Variants in ECHDC3 observed in about 807,000 individuals in gnomAD.
ECHDC3 encodes the protein enoyl-CoA hydratase domain containing 3.
A neutral mutation model predicts 17.9 loss-of-function variants in ECHDC3; 20 were observed. That is an observed-to-expected ratio of 1.12 (90% confidence interval 0.79 to 1.63). The LOEUF is 1.63. Ranked by LOEUF, ECHDC3 falls within the 40% of genes most tolerant of loss-of-function variation. ECHDC3 has a pLI of 0.00. For missense variants in ECHDC3, 407 were observed against 357.7 expected, an observed-to-expected ratio of 1.14 and a Z score of -1.11; for synonymous variants, 177 against 149.7, an observed-to-expected ratio of 1.18 and a Z score of -1.33.
intron 4 of ECHDC3, among the ~76,000 whole-genome samples, chr10:11,762,512 G>A (rs1297148233): frequency 1.3e-5 from 2 of 152,228 alleles, no homozygotes; most frequent in African/African-American, 4.8e-5. Flanking sequence ...CTTTAGAGGA[G>A]CCAGGCTTGG....
chr10:11,744,878 C>G lies in ECHDC3; in HGVS notation c.170+2132C>G, dbSNP rs575430686. ...GAAGGCCAGTAGACATCGGGATGAACGCGTGCACCTGGAGCTCAGCTCAGA... is the reference window on the plus strand; with the variant it reads ...GAAGGCCAGTAGACATCGGGATGAAGGCGTGCACCTGGAGCTCAGCTCAGA... On this transcript the variant is annotated intron_variant, in intron 1 of 4. Transcript: ENST00000379215. Among the ~76,000 whole-genome samples, 267 of 152,274 alleles carry G rather than the reference C, an allele frequency of 1.8e-3. 2 individuals carry two copies. Among genetic ancestry groups the G allele is most frequent in the African/African-American group, 6.4e-3 (265 of 41,540 alleles).
chr10:11,760,105 G>T (rs928118291), intron 4 of ECHDC3, among the ~76,000 whole-genome samples: 2 of 152,212 alleles, frequency 1.3e-5, no homozygotes, highest in African/African-American at 4.8e-5. Flanking sequence ...GGCTCAGATG[G>T]ACAATTTTTC....
intron 1 of ECHDC3, among the ~76,000 whole-genome samples, chr10:11,744,733 G>T (rs1832742394): frequency 6.6e-6 from 1 of 152,146 alleles, no homozygotes; most frequent in South Asian, 2.1e-4. Context: ...ATCAGGAAGG[G>T]ATAGAAAACT....
Position 11,742,719 on chromosome 10 carries a change from C to G in ECHDC3, c.143C>G (p.Thr48Ser), listed in dbSNP as rs1344173636. The change falls in exon 1 of 5, where the codon ACC becomes AGC. Residue 48 changes from threonine (T) to serine (S), a missense_variant. By Grantham distance (58) the Thr-to-Ser change is moderately conservative (BLOSUM62 1). Transcript: ENST00000379215. ...CGGCGGGAGTCGGAGCCGCGGCCCA[C>G]CAGCGCGCGGCAGCTGGACGGCATA... ...AGRRESEPRP[T>S]SARQLDGIRN... The G allele has an allele frequency of 1.6e-6, 2 of 1,235,238 alleles. No individual in the cohort carries two copies. Among genetic ancestry groups the G allele is most frequent in the African/African-American group, 1.6e-5 (1 of 63,968 alleles). 76.5% of individuals were successfully genotyped at this position (1,235,238 alleles called of 1,614,324 possible). A position where few individuals can be genotyped will look rare whatever the true frequency, so the allele number is the denominator to read the frequency against.
Position 11,763,150 on chromosome 10 carries a change from AGCCGAG to A in ECHDC3, c.592-71_592-66del. 1 of 655,258 alleles carries A rather than the reference AGCCGAG, an allele frequency of 1.5e-6. No individual in the cohort carries two copies. The highest frequency in any genetic ancestry group is 2.8e-6 in the Non-Finnish European group (1 of 358,176). The allele number at this position is 655,258 out of a possible 1,614,324, so 40.6% of individuals were successfully genotyped here. On this transcript the variant is annotated intron_variant, in intron 4 of 4. Coordinates refer to ENST00000379215, the MANE Select transcript of ECHDC3 (RefSeq NM_024693.5). The surrounding 1 kb of genome is among the most constrained non-coding windows in gnomAD (Gnocchi z 4.9). ...TGGTATTTGAGGAAGCAGGTCATTG[AGCCGAG>A]GCGGGACTCAGGTGGCGGGGGCGGG... is the stretch of plus-strand genomic sequence containing the variant.
At chr10:11,759,372 A>AC (rs1264062744) in intron 4 of ECHDC3, among the ~76,000 whole-genome samples, 4 of 48,118 alleles carry the variant, frequency 8.3e-5, no homozygotes, top group Admixed American at 2.0e-4. Flanking sequence ...AAAAAAAAAC[A>AC]AAAAAAAAAA....
rs1274203912 is a variant in ECHDC3 at position 11,763,868 on chromosome 10, G to GGCA, written c.*326_*328dup. 9.2e-7 allele frequency: 1 copy of GGCA among 1,082,018 alleles called. No homozygotes were observed. Among genetic ancestry groups the GGCA allele is most frequent in the Non-Finnish European group, 1.1e-6 (1 of 891,812 alleles). 67.0% of individuals were successfully genotyped at this position (1,082,018 alleles called of 1,614,324 possible). On this transcript the variant is annotated 3_prime_UTR_variant, in exon 5 of 5. Transcript: ENST00000379215. The surrounding 1 kb of genome is among the most constrained non-coding windows in gnomAD (Gnocchi z 4.9). ...ATAGCAAAAGGTGGCAACCCATGGA[G>GGCA]GCAGAAAGAAGGACGCCAGCCTGAC...
intron 2 of ECHDC3, 117 bp downstream of exon 2, chr10:11,747,587 A>G: frequency 7.8e-7 from 1 of 1,277,536 alleles, no homozygotes; most frequent in South Asian, 1.3e-5. Flanking sequence ...GCTCCTTTAC[A>G]AGAACATTAA....
rs576066391 is a variant in ECHDC3, at chr10:11,763,650, G to A, written c.*106G>A. 50 of 1,433,548 alleles carry A rather than the reference G, an allele frequency of 3.5e-5. No homozygotes were observed. Among genetic ancestry groups the A allele is most frequent in the Admixed American group, 8.6e-5 (3 of 34,860 alleles). 88.8% of individuals were successfully genotyped at this position (1,433,548 alleles called of 1,614,324 possible). A position where few individuals can be genotyped will look rare whatever the true frequency, so the allele number is the denominator to read the frequency against. ...CTTCAACAGGTGACAGGCTGCTTTC[G>A]TGACTTGATATTGGTGTCATAGCAT... On this transcript the variant is annotated 3_prime_UTR_variant, in exon 5 of 5. Coordinates refer to ENST00000379215, the MANE Select transcript of ECHDC3 (RefSeq NM_024693.5). The surrounding 1 kb of genome is among the most constrained non-coding windows in gnomAD (Gnocchi z 4.9).
chr10:11,763,983 A>G lies in ECHDC3; in HGVS notation c.*439A>G. 2.0e-6 allele frequency: 2 copies of G among 985,882 alleles called. No homozygotes were observed. Among genetic ancestry groups the G allele is most frequent in the Non-Finnish European group, 2.4e-6 (2 of 829,250 alleles). 61.1% of individuals were successfully genotyped at this position (985,882 alleles called of 1,614,324 possible). ...TCTCCACGAGATATTCTCCACACAGAAAATCTTCTTGATTCTATAGAGACT... is the reference window on the plus strand; with the variant it reads ...TCTCCACGAGATATTCTCCACACAGGAAATCTTCTTGATTCTATAGAGACT... On this transcript the variant is annotated 3_prime_UTR_variant, in exon 5 of 5. Transcript: ENST00000379215. The surrounding 1 kb of genome is among the most constrained non-coding windows in gnomAD (Gnocchi z 4.9).
Position 11,763,263 on chromosome 10 carries a change from G to A in ECHDC3, c.631G>A (p.Ala211Thr), listed in dbSNP as rs1832974242. The change falls in exon 5 of 5, where the codon GCC (alanine) becomes ACC (threonine). Residue 211 changes from alanine (A) to threonine (T), a missense_variant. Ala to Thr is a moderately conservative substitution (Grantham distance 58, BLOSUM62 0). Coordinates refer to ENST00000379215, the MANE Select transcript of ECHDC3 (RefSeq NM_024693.5). The surrounding 1 kb of genome is among the most constrained non-coding windows in gnomAD (Gnocchi z 4.9). ...GCTCTTTACTGGTGAGCCCATTTCT[G>A]CCCAGGAGGCCCTGCTCCACGGGCT... ...EMLFTGEPIS[A>T]QEALLHGLLS... The A allele has an allele frequency of 2.6e-6, 2 of 780,028 alleles. No individual in the cohort carries two copies. Among genetic ancestry groups the A allele is most frequent in the Non-Finnish European group, 4.8e-6 (2 of 417,978 alleles). 48.3% of individuals were successfully genotyped at this position (780,028 alleles called of 1,614,324 possible). A position where few individuals can be genotyped will look rare whatever the true frequency, so the allele number is the denominator to read the frequency against.
chr10:11,749,518 G>C lies in ECHDC3; in HGVS notation c.316G>C (p.Gly106Arg). ...AGCTGAGGGGCCTGTGTTTTCTTCT[G>C]GGCATGACTTAAAGGAGCTGACAGA... ...ISAEGPVFSSGHDLKELTEEQ... is the reference protein window; with the variant it reads ...ISAEGPVFSSRHDLKELTEEQ... Residue 106 changes from glycine to arginine, a missense_variant, in exon 3 of 5, where the codon GGG (glycine) becomes CGG (arginine). Coordinates refer to ENST00000379215, the MANE Select transcript of ECHDC3 (RefSeq NM_024693.5). The C allele has an allele frequency of 6.2e-7, 1 of 1,614,020 alleles. No individual in the cohort carries two copies. Among genetic ancestry groups the C allele is most frequent in the Non-Finnish European group, 8.5e-7 (1 of 1,180,014 alleles).
Position 11,755,552 on chromosome 10 carries a change from G to A in ECHDC3, c.535G>A (p.Val179Ile), listed in dbSNP as rs148857269. The change falls in exon 4 of 5, where the codon GTC becomes ATC. Residue 179 changes from valine to isoleucine, a missense_variant. Transcript: ENST00000379215. The part of the protein sequence containing the change: ...KSSFATPGVN[V>I]GLFCSTPGVA... ...CTCTTTTGCCACTCCTGGGGTGAAC[G>A]TCGGGCTCTTCTGTTCTACCCCTGG... 83 of 1,614,052 alleles carry A rather than the reference G, an allele frequency of 5.1e-5. No homozygotes were observed. The highest frequency in any genetic ancestry group is 4.7e-4 in the African/African-American group (35 of 75,062).
Position 11,763,226 on chromosome 10 carries a change from G to C in ECHDC3, c.594G>C (p.Val198=), listed in dbSNP as rs759322101. 2 of 774,612 alleles carry C rather than the reference G, an allele frequency of 2.6e-6. No individual in the cohort carries two copies. The highest frequency in any genetic ancestry group is 2.7e-5 in the South Asian group (2 of 73,896). The allele number at this position is 774,612 out of a possible 1,614,324, so 48.0% of individuals were successfully genotyped here. A position where few individuals can be genotyped will look rare whatever the true frequency, so the allele number is the denominator to read the frequency against. Residue 198 remains valine (V), a splice_region_variant and synonymous_variant, in exon 5 of 5, where the codon GTG becomes GTC. Coordinates refer to ENST00000379215, the MANE Select transcript of ECHDC3 (RefSeq NM_024693.5). The surrounding 1 kb of genome is among the most constrained non-coding windows in gnomAD (Gnocchi z 4.9). ...TGACATCCCGTGTCTCCCCGTAGGT[G>C]GCCTTGGAGATGCTCTTTACTGGTG... is the stretch of plus-strand genomic sequence containing the variant. ...VALARAVPRK[V]ALEMLFTGEP... is the part of the protein sequence containing the mutation.
intron 1 of ECHDC3, among the ~76,000 whole-genome samples, chr10:11,746,079 G>A (rs1448002764): frequency 1.3e-5 from 2 of 152,170 alleles, no homozygotes; most frequent in Admixed American, 1.3e-4. Flanking sequence ...TGTAATCCCA[G>A]CACTTTGGGA....
At chr10:11,759,956 T>C (rs3750692) in intron 4 of ECHDC3, among the ~76,000 whole-genome samples, 4,918 of 152,282 alleles carry the variant, frequency 0.032, 155 homozygotes, top group East Asian at 0.15. Context: ...TAGTTGAAGG[T>C]CTTGTGGTTA....
chr10:11,757,019 GCCGC>G (rs1832892323), intron 4 of ECHDC3, among the ~76,000 whole-genome samples: 1 of 152,234 alleles, frequency 6.6e-6, no homozygotes, highest in Admixed American at 6.5e-5. Flanking sequence ...ACAGGCGTGA[GCCGC>G]CGCACCTGGC....
At chr10:11,762,739 T>G (rs1832968619) in intron 4 of ECHDC3, among the ~76,000 whole-genome samples, 1 of 152,172 alleles carries the variant, frequency 6.6e-6, no homozygotes, top group South Asian at 2.1e-4. Flanking sequence ...AGACATTGTC[T>G]GTAAATCCTT....
In ECHDC3 at chr10:11,763,307, A is replaced by G. The variant is rs1333765717; in HGVS notation, c.675A>G (p.Pro225=). ...ACGGGCTGCTTAGCAAGGTGGTGCC[A>G]GAGGCGGAGCTGCAGGAGGAGACCA... ...LLHGLLSKVV[P]EAELQEETMR... Residue 225 remains proline, a synonymous_variant, in exon 5 of 5, where the codon CCA becomes CCG. Coordinates refer to ENST00000379215, the MANE Select transcript of ECHDC3 (RefSeq NM_024693.5). The surrounding 1 kb of genome is among the most constrained non-coding windows in gnomAD (Gnocchi z 4.9). 1 of 780,332 alleles carries G rather than the reference A, an allele frequency of 1.3e-6. No homozygotes were observed. The highest frequency in any genetic ancestry group is 2.4e-6 in the Non-Finnish European group (1 of 418,122). The allele number at this position is 780,332 out of a possible 1,614,324, so 48.3% of individuals were successfully genotyped here.
Sources: gnomAD v4.1 joint callset for allele counts (sites outside exome capture counted in the v4.1 genomes callset) on GRCh38, gnomAD v4.1.1 for gene constraint, Gnocchi (gnomAD v3.1) non-coding constraint, MANE v1.5 for transcripts, NCBI Gene and HGNC (gene_info 2026-07-23, HGNC 2026-07-21) for gene names.